Variants in KLRG1 observed in about 807,000 individuals in gnomAD.
KLRG1 encodes killer cell lectin-like receptor subfamily G member 1.
In KLRG1, 16 loss-of-function variants were observed where a neutral mutation model predicts 21.8. The ratio of observed to expected loss-of-function variants is 0.73; its 90% CI spans 0.50 to 1.11. The LOEUF (loss-of-function observed/expected upper bound fraction) is 1.11. Ranked by LOEUF, KLRG1 falls within the 50% of genes most tolerant of loss-of-function variation. KLRG1 has a pLI of 0.00. For missense variants in KLRG1, 173 were observed against 218.3 expected (o/e 0.79, Z 1.31); for synonymous variants, 69 against 75.9 (o/e 0.91, Z 0.47).
At chr12:9,000,424 A>G (rs1947271061) in intron 3 of KLRG1, among the ~76,000 whole-genome samples, 1 of 152,248 alleles carries the variant, frequency 6.6e-6, no homozygotes, top group African/African-American at 2.4e-5. Context: ...TGCATAGCAT[A>G]AAATGTACTA....
the KLRG1 span, chr12:9,196,431 C>A: frequency 1.2e-6 from 2 of 1,610,208 alleles, no homozygotes; most frequent in Non-Finnish European, 1.7e-6. Context: ...TTTGCAGTGA[C>A]TTCCAGGTCT....
chr12:9,088,806 T>C, the KLRG1 span, among the ~76,000 whole-genome samples: 2 of 152,230 alleles, frequency 1.3e-5, no homozygotes, highest in Admixed American at 1.3e-4. Context: ...AATCCCGTTA[T>C]CAAATACTGT....
the KLRG1 span, among the ~76,000 whole-genome samples, chr12:9,145,431 A>C: frequency 6.6e-6 from 1 of 152,198 alleles, no homozygotes; most frequent in African/African-American, 2.4e-5. Flanking sequence ...CAGTTTAATC[A>C]CATACAAAAA....
chr12:9,024,492 G>A, the KLRG1 span, among the ~76,000 whole-genome samples: 1 of 151,938 alleles, frequency 6.6e-6, no homozygotes. Context: ...ATCTGTTCTT[G>A]GTCCTGAGGG....
chr12:9,147,774 T>G, the KLRG1 span, among the ~76,000 whole-genome samples: 1 of 152,224 alleles, frequency 6.6e-6, no homozygotes, highest in Admixed American at 6.5e-5. Context: ...CCTTGAACCC[T>G]TCAAGCTAAG....
chr12:8,977,074 G>GT, intron 1 of KLRG1, among the ~76,000 whole-genome samples: 1 of 151,840 alleles, frequency 6.6e-6, no homozygotes, highest in Non-Finnish European at 1.5e-5. Context: ...TTTTTCTCAT[G>GT]TAAGTATAGC....
At chr12:9,079,871 G>A in the KLRG1 span, 53 of 1,424,756 alleles carry the variant, frequency 3.7e-5, no homozygotes, top group Non-Finnish European at 4.8e-5. Flanking sequence ...ATCTATCAAA[G>A]TCATTAAGCA....
chr12:9,165,100 G>A, the KLRG1 span: 306 of 1,590,268 alleles, frequency 1.9e-4, 1 homozygote, highest in East Asian at 6.7e-3. Context: ...GGAATCTTTT[G>A]TTCTACCCAC....
At chr12:8,982,553 A>G (rs1946771112) in intron 1 of KLRG1, among the ~76,000 whole-genome samples, 1 of 151,962 alleles carries the variant, frequency 6.6e-6, no homozygotes, top group Non-Finnish European at 1.5e-5. Flanking sequence ...TAATGTGTAT[A>G]TTGGTTTGCA....
the KLRG1 span, among the ~76,000 whole-genome samples, chr12:9,049,609 A>G: frequency 5.9e-5 from 9 of 152,168 alleles, no homozygotes; most frequent in South Asian, 6.2e-4. Flanking sequence ...TCAGGTTTCT[A>G]TGGTTATTTT....
the KLRG1 span, chr12:9,169,562 G>GA: frequency 3.1e-6 from 5 of 1,612,802 alleles, no homozygotes; most frequent in Non-Finnish European, 4.2e-6. Flanking sequence ...GAAAATTGGT[G>GA]AGATCCTTCA....
At chr12:9,083,325 C>T in the KLRG1 span, among the ~76,000 whole-genome samples, 1 of 151,376 alleles carries the variant, frequency 6.6e-6, no homozygotes, top group South Asian at 2.1e-4. Context: ...ACCAACATGG[C>T]ACATGTATAC....
chr12:9,161,774 A>T, the KLRG1 span, among the ~76,000 whole-genome samples: 4 of 152,344 alleles, frequency 2.6e-5, no homozygotes, highest in East Asian at 7.7e-4. Context: ...GCGGTTCTGT[A>T]TAAAAGCTAC....
chr12:9,012,511 T>C (rs765341583), downstream of KLRG1, among the ~76,000 whole-genome samples: 10 of 152,034 alleles, frequency 6.6e-5, no homozygotes, highest in African/African-American at 2.4e-4. Context: ...TTGGGTGAGA[T>C]CCAGTGCCAT....
intron 2 of KLRG1, among the ~76,000 whole-genome samples, chr12:8,994,126 G>A (rs769949071): frequency 1.3e-5 from 2 of 152,150 alleles, no homozygotes; most frequent in Non-Finnish European, 2.9e-5. Flanking sequence ...GTGCAGTGGT[G>A]TGATCTTGGC....
chr12:9,057,747 C>G, the KLRG1 span: 1 of 152,446 alleles, frequency 6.6e-6, no homozygotes, highest in African/African-American at 2.4e-5. Flanking sequence ...AGTAATAATG[C>G]GGAACCAGGG....
At chr12:9,086,875 T>C in the KLRG1 span, among the ~76,000 whole-genome samples, 1 of 152,216 alleles carries the variant, frequency 6.6e-6, no homozygotes, top group African/African-American at 2.4e-5. Context: ...CATTATCTTA[T>C]ATATTGGAAG....
At chr12:9,194,243 A>G in the KLRG1 span, 7 of 1,613,496 alleles carry the variant, frequency 4.3e-6, no homozygotes, top group African/African-American at 6.7e-5. Flanking sequence ...AAGCACCTAA[A>G]GAAGAAAAGT....
At chr12:9,109,521 T>G in the KLRG1 span, 3 of 772,388 alleles carry the variant, frequency 3.9e-6, no homozygotes, top group Admixed American at 6.6e-5. Flanking sequence ...AAAAGGTAGC[T>G]CTGCTCTCCA....
Sources: gnomAD v4.1 joint callset for allele counts (sites outside exome capture counted in the v4.1 genomes callset) on GRCh38, gnomAD v4.1.1 for gene constraint, MANE v1.5 for transcripts, NCBI Gene and HGNC (gene_info 2026-07-23, HGNC 2026-07-21) for gene names.